LHX8: variants seen among roughly 807,000 people sequenced by gnomAD.
The protein encoded by LHX8 is LIM/homeobox protein Lhx8.
In LHX8, 12 loss-of-function variants were observed where a neutral mutation model predicts 40.3. That is an observed-to-expected ratio of 0.30 (90% confidence interval 0.19 to 0.48). The LOEUF is 0.48. Among genes scored for constraint, LHX8 ranks in the 20% least tolerant of loss-of-function variants. The pLI, the probability that LHX8 is intolerant of heterozygous loss-of-function variation, is 0.99. For missense variants in LHX8, 344 were observed against 433.7 expected (o/e 0.79, Z 1.84); for synonymous variants, 179 against 162.0 (o/e 1.10, Z -0.80).
chr1:75,152,001 A>G (rs1648625506), intron 7 of LHX8, among the ~76,000 whole-genome samples: 2 of 152,340 alleles, frequency 1.3e-5, no homozygotes, highest in Admixed American at 1.3e-4. Flanking sequence ...ATATGATTCC[A>G]AAGGAAAGAG....
chr1:75,152,325 T>TA (rs1409306185), intron 7 of LHX8, among the ~76,000 whole-genome samples: 2 of 152,208 alleles, frequency 1.3e-5, no homozygotes, highest in East Asian at 3.8e-4. Flanking sequence ...ACTGTCCTTA[T>TA]ACTGAAGTCA....
intron 2 of LHX8, 56 bp downstream of exon 2, chr1:75,136,745 G>T: frequency 7.3e-7 from 1 of 1,375,530 alleles, no homozygotes. Flanking sequence ...GGCGGCGCAG[G>T]ACGAAGGGCC....
the LHX8 span, among the ~76,000 whole-genome samples, chr1:75,170,148 G>C: frequency 0.097 from 14,717 of 152,202 alleles, 1,046 homozygotes; most frequent in African/African-American, 0.19. Context: ...GAAAACTCAA[G>C]ACTTCAGTGC....
At chr1:75,177,979 G>A in the LHX8 span, among the ~76,000 whole-genome samples, 7,717 of 152,120 alleles carry the variant, frequency 0.051, 211 homozygotes, top group Middle Eastern at 0.095. Flanking sequence ...GATTACATTT[G>A]TTGATTTGCA....
the LHX8 span, among the ~76,000 whole-genome samples, chr1:75,184,818 G>A: frequency 1.5e-5 from 2 of 136,482 alleles, no homozygotes; most frequent in Non-Finnish European, 3.2e-5. Flanking sequence ...AAATCCAGCA[G>A]CTGTTTTTTT....
chr1:75,137,123 C>T lies in LHX8; in HGVS notation c.99C>T (p.Asp33=), dbSNP rs1397497933. ...EGLVSPEGAG[D]EDSCSSSAPL... ...AGGTGAGCCCCGAGGGAGCGGGGGA[C>T]GAGGACTCGTGCTCCTCCTCGGCCC... The change falls in exon 3 of 9, where the codon GAC becomes GAT. Residue 33 remains aspartate, a synonymous_variant. Coordinates refer to ENST00000356261, the MANE Select transcript of LHX8 (RefSeq NM_001256114.2). 2.5e-6 allele frequency: 4 copies of T among 1,608,148 alleles called. No individual in the cohort carries two copies. The highest frequency in any genetic ancestry group is 3.4e-6 in the Non-Finnish European group (4 of 1,176,666).
upstream of LHX8, chr1:75,132,438 G>C (rs900753008): frequency 5.3e-5 from 8 of 152,282 alleles, no homozygotes; most frequent in Admixed American, 4.6e-4. Context: ...CTGGAGTAAA[G>C]CGAGGCCAGA....
chr1:75,140,867 A>T (rs2100337573), intron 3 of LHX8, 118 bp from the exon 4 acceptor site: 1 of 938,558 alleles, frequency 1.1e-6, no homozygotes, highest in South Asian at 1.4e-5. Flanking sequence ...TTTGGATGAA[A>T]ACATTCAGAG....
the LHX8 span, among the ~76,000 whole-genome samples, chr1:75,186,999 T>C: frequency 6.6e-6 from 1 of 152,180 alleles, no homozygotes; most frequent in African/African-American, 2.4e-5. Context: ...TAGACTGGTA[T>C]CTTGCTCAGA....
At chr1:75,130,666 G>T, upstream of LHX8, 2 of 1,545,294 alleles carry the variant, frequency 1.3e-6, no homozygotes, top group South Asian at 2.2e-5. Flanking sequence ...TCTGGGACCG[G>T]TAAGTCCCAA....
chr1:75,137,308 G>A lies in LHX8; in HGVS notation c.237+47G>A, dbSNP rs371142003. The A allele has an allele frequency of 1.3e-4, 204 of 1,573,622 alleles. 2 individuals are homozygous for A. The Middle Eastern group carries it at 2.8e-3, about 22-fold the overall frequency. On this transcript the variant is annotated intron_variant, in intron 3 of 8. Transcript: ENST00000356261. ...GAGGCCCAAGGGGAGCGGGCTTAGCGTGGGAGCTCTGGGAAAAGAGTAATG... is the reference window on the plus strand; with the variant it reads ...GAGGCCCAAGGGGAGCGGGCTTAGCATGGGAGCTCTGGGAAAAGAGTAATG...
chr1:75,142,282 CT>C (rs1472743702), intron 4 of LHX8, among the ~76,000 whole-genome samples: 1 of 151,824 alleles, frequency 6.6e-6, no homozygotes, highest in African/African-American at 2.4e-5. Context: ...GTGGTAATAG[CT>C]TTAAAGATGT....
upstream of LHX8, among the ~76,000 whole-genome samples, chr1:75,133,226 C>G (rs759861840): frequency 8.5e-5 from 13 of 152,172 alleles, no homozygotes; most frequent in Non-Finnish European, 1.8e-4. Flanking sequence ...TCTGAAGACT[C>G]TAGTGTTTAT....
the LHX8 span, among the ~76,000 whole-genome samples, chr1:75,168,880 A>G: frequency 1.3e-5 from 2 of 152,140 alleles, no homozygotes; most frequent in South Asian, 2.1e-4. Flanking sequence ...GCTTCCCCAC[A>G]TCTTTGCCAT....
chr1:75,186,348 T>C, the LHX8 span, among the ~76,000 whole-genome samples: 2 of 152,186 alleles, frequency 1.3e-5, no homozygotes, highest in Admixed American at 1.3e-4. Context: ...AACAGACACA[T>C]AGACCAATGG....
At chr1:75,197,966 A>G in the LHX8 span, among the ~76,000 whole-genome samples, 6 of 152,212 alleles carry the variant, frequency 3.9e-5, no homozygotes, top group African/African-American at 1.4e-4. Context: ...TTCCAGAATT[A>G]GAGAACAAGT....
chr1:75,141,727 G>A (rs990554361), intron 4 of LHX8, among the ~76,000 whole-genome samples: 13 of 151,976 alleles, frequency 8.6e-5, no homozygotes, highest in Admixed American at 7.2e-4. Flanking sequence ...TAAATTTAAG[G>A]TTTCTTCCAA....
the LHX8 span, among the ~76,000 whole-genome samples, chr1:75,180,962 T>A: frequency 2.0e-5 from 3 of 152,324 alleles, no homozygotes; most frequent in South Asian, 6.2e-4. Flanking sequence ...CAGCTGAAAG[T>A]CTGTTGGAGT....
chr1:75,169,175 T>G, the LHX8 span, among the ~76,000 whole-genome samples: 6 of 152,116 alleles, frequency 3.9e-5, no homozygotes, highest in Admixed American at 3.9e-4. Context: ...CCTACTCCCC[T>G]ACTCATTCAC....
Sources: gnomAD v4.1 joint callset for allele counts (sites outside exome capture counted in the v4.1 genomes callset) on GRCh38, gnomAD v4.1.1 for gene constraint, MANE v1.5 for transcripts, NCBI Gene and HGNC (gene_info 2026-07-23, HGNC 2026-07-21) for gene names.